The following MAGI2 variants were observed in gnomAD, a reference collection of about 807,000 sequenced individuals.
MAGI2 encodes membrane associated guanylate kinase, WW and PDZ domain containing 2, also known as membrane-associated guanylate kinase, WW and PDZ domain-containing protein 2.
MAGI2 carries 35 observed loss-of-function variants against 133.3 expected under a neutral mutation model. The observed-to-expected ratio is 0.26, with a 90% confidence interval of 0.20 to 0.35. The LOEUF is 0.35. Ranked by LOEUF, MAGI2 falls within the 10% of genes least tolerant of loss-of-function variation. The probability of loss-of-function intolerance (pLI) is 1.00; values close to 1 mark genes in which losing one functional copy is unlikely to be tolerated. For synonymous variants in MAGI2, 729 were observed against 710.6 expected (o/e 1.03, Z -0.41); for missense variants, 1,636 against 1,863.4 (o/e 0.88, Z 2.25).
intron 1 of MAGI2, among the ~76,000 whole-genome samples, chr7:79,409,391 C>A (rs893139392): frequency 1.6e-4 from 24 of 152,004 alleles, no homozygotes; most frequent in African/African-American, 5.1e-4. Flanking sequence ...TCTCGAGTAG[C>A]TGCGATTACA....
intron 3 of MAGI2, among the ~76,000 whole-genome samples, chr7:78,589,625 G>A (rs1313517295): frequency 3.8e-5 from 5 of 132,442 alleles, no homozygotes; most frequent in African/African-American, 1.4e-4. Flanking sequence ...AAAGATACCA[G>A]GTGTGATCTA....
chr7:79,322,779 CAAAA>C (rs57276019), intron 1 of MAGI2, among the ~76,000 whole-genome samples: 3 of 136,426 alleles, frequency 2.2e-5, no homozygotes. Context: ...GAGACTGTCT[CAAAA>C]AAAAAAAAAA....
rs547464602 is a variant in MAGI2, at chr7:79,377,078, A to AT, written c.301+75941dup. Among the ~76,000 whole-genome samples the AT allele has an allele frequency of 3.3e-4, 50 of 151,934 alleles. 4 individuals carry two copies. The South Asian group carries it at 0.01, about 32-fold the overall frequency. ...CATATAAAGTTAAGATTTTTAAAAT[A>AT]TTTTTTGTGTTTTACATTTTAGACT... is the stretch of plus-strand genomic sequence containing the variant. On this transcript the variant is annotated intron_variant, in intron 1 of 21. Coordinates refer to ENST00000354212, the MANE Select transcript of MAGI2 (RefSeq NM_012301.4).
At chr7:78,684,399 G>A (rs1816042692) in intron 2 of MAGI2, among the ~76,000 whole-genome samples, 1 of 151,962 alleles carries the variant, frequency 6.6e-6, no homozygotes, top group South Asian at 2.1e-4. Flanking sequence ...ATAACAAACA[G>A]CCACTACTTT....
At chr7:78,404,770 A>G (rs1797224222) in intron 6 of MAGI2, among the ~76,000 whole-genome samples, 1 of 152,198 alleles carries the variant, frequency 6.6e-6, no homozygotes, top group African/African-American at 2.4e-5. Flanking sequence ...CAAGGACTTC[A>G]TGTCTAAAAT....
At chr7:78,429,862 TC>T (rs1799628181) in intron 6 of MAGI2, among the ~76,000 whole-genome samples, 1 of 152,126 alleles carries the variant, frequency 6.6e-6, no homozygotes, top group Non-Finnish European at 1.5e-5. Context: ...TTATAAGTAT[TC>T]CCATTTTTAT....
intron 2 of MAGI2, among the ~76,000 whole-genome samples, chr7:78,928,665 T>C (rs1021292886): frequency 2.0e-5 from 3 of 152,042 alleles, no homozygotes. Flanking sequence ...TGATTAAACC[T>C]AAAATGGGTA....
chr7:78,263,064 G>A lies in MAGI2; in HGVS notation c.1409-6483C>T, dbSNP rs1562707072. Among the ~76,000 whole-genome samples the A allele has an allele frequency of 2.0e-5, 3 of 152,252 alleles. No individual in the cohort carries two copies. In the East Asian group the frequency reaches 5.8e-4, roughly 29 times the overall value. ...TCCAGCATTTAGCTCCCACTTATAAGTGAGAACATGTAATATTTGATTTTC... is the reference window on the plus strand; with the variant it reads ...TCCAGCATTTAGCTCCCACTTATAAATGAGAACATGTAATATTTGATTTTC... On this transcript the variant is annotated intron_variant, in intron 9 of 21. Coordinates refer to ENST00000354212, the MANE Select transcript of MAGI2 (RefSeq NM_012301.4).
chr7:79,169,617 T>G (rs907872542), intron 1 of MAGI2, among the ~76,000 whole-genome samples: 2 of 152,062 alleles, frequency 1.3e-5, no homozygotes, highest in African/African-American at 4.8e-5. Flanking sequence ...CTGAGGTATC[T>G]CTAAAGGAGA....
chr7:78,023,023 G>A (rs1434345446), intron 21 of MAGI2, among the ~76,000 whole-genome samples: 2 of 152,182 alleles, frequency 1.3e-5, no homozygotes, highest in Non-Finnish European at 2.9e-5. Flanking sequence ...CTATATGAGT[G>A]GTTGAATATT....
At chr7:78,398,546 T>A (rs764798519) in intron 6 of MAGI2, among the ~76,000 whole-genome samples, 5 of 152,160 alleles carry the variant, frequency 3.3e-5, no homozygotes, top group Non-Finnish European at 7.3e-5. Flanking sequence ...CTTAGACCAT[T>A]TTTCTTTAGA....
intron 10 of MAGI2, among the ~76,000 whole-genome samples, chr7:78,208,688 T>G (rs1332660942): frequency 2.3e-5 from 1 of 42,728 alleles, no homozygotes; most frequent in Non-Finnish European, 5.0e-5. Context: ...GGTGAATGTA[T>G]AGCATTTTTT....
At chr7:79,307,089 A>G (rs1585510092) in intron 1 of MAGI2, among the ~76,000 whole-genome samples, 1 of 152,208 alleles carries the variant, frequency 6.6e-6, no homozygotes, top group South Asian at 2.1e-4. Context: ...TCACAAAAAT[A>G]TAATGACTTA....
At chr7:78,894,864 A>G (rs1439449468) in intron 2 of MAGI2, among the ~76,000 whole-genome samples, 2 of 152,210 alleles carry the variant, frequency 1.3e-5, no homozygotes, top group East Asian at 1.9e-4. Context: ...CACTACTTCC[A>G]ACAGTATTTA....
At chr7:78,217,107 T>C (rs1240421999) in intron 10 of MAGI2, among the ~76,000 whole-genome samples, 1 of 152,244 alleles carries the variant, frequency 6.6e-6, no homozygotes, top group Non-Finnish European at 1.5e-5. Context: ...GACTTTGTTT[T>C]AATTAACGAC....
At chr7:78,845,327 T>A (rs1030068862) in intron 2 of MAGI2, among the ~76,000 whole-genome samples, 5 of 151,940 alleles carry the variant, frequency 3.3e-5, no homozygotes, top group African/African-American at 1.2e-4. Context: ...GAATATAAAC[T>A]GCTCTCCCTT....
At chr7:79,415,787 C>T (rs1252347647) in intron 1 of MAGI2, 2 of 152,114 alleles carry the variant, frequency 1.3e-5, no homozygotes, top group Non-Finnish European at 2.9e-5. Context: ...ACCATTGGGT[C>T]TGAATCTGGA....
At chr7:78,573,068 T>C (rs36201838) in intron 3 of MAGI2, among the ~76,000 whole-genome samples, 1,229 of 85,688 alleles carry the variant, frequency 0.014, 23 homozygotes, top group African/African-American at 0.038. Context: ...TATATATATA[T>C]ATATATATAC....
intron 1 of MAGI2, among the ~76,000 whole-genome samples, chr7:79,028,336 TACAC>T (rs748319312): frequency 1.5e-4 from 19 of 124,470 alleles, no homozygotes; most frequent in Admixed American, 1.0e-3. Flanking sequence ...TACATATATA[TACAC>T]ACACACACAC....
Sources: gnomAD v4.1 joint callset for allele counts (sites outside exome capture counted in the v4.1 genomes callset) on GRCh38, gnomAD v4.1.1 for gene constraint, MANE v1.5 for transcripts, NCBI Gene and HGNC (gene_info 2026-07-23, HGNC 2026-07-21) for gene names.